The following NT5C2 variants were observed in gnomAD, a reference collection of about 807,000 sequenced individuals.
The protein encoded by NT5C2 is cytosolic purine 5'-nucleotidase.
Under a neutral mutation model 76.1 loss-of-function variants are expected in NT5C2, and 58 were observed. The ratio of observed to expected loss-of-function variants is 0.76; its 90% CI spans 0.62 to 0.95. The LOEUF (loss-of-function observed/expected upper bound fraction) is 0.95, where lower values mean the gene tolerates loss of function less well. Ranked by LOEUF, NT5C2 falls within the 40% of genes least tolerant of loss-of-function variation. The pLI is 0.00. For synonymous variants in NT5C2, 229 were observed against 237.4 expected (o/e 0.96, Z 0.32); for missense variants, 478 against 690.3 (o/e 0.69, Z 3.45).
intron 3 of NT5C2, among the ~76,000 whole-genome samples, chr10:103,159,163 T>G (rs1399814543): frequency 1.3e-5 from 2 of 150,914 alleles, no homozygotes; most frequent in Admixed American, 6.6e-5. Context: ...AGGCCAAGAG[T>G]TAGAGGCTAC....
At chr10:103,098,662 A>C in intron 10 of NT5C2, 1 of 382,928 alleles carries the variant, frequency 2.6e-6, no homozygotes, top group Non-Finnish European at 4.7e-6. Context: ...TTATAATTGA[A>C]GCTAAGCGAA....
rs779272781 is a variant in NT5C2, at chr10:103,089,725, T to TA, written c.1632dup (p.Thr545TyrfsTer5). The TA allele has an allele frequency of 6.2e-7, 1 of 1,613,492 alleles. No individual in the cohort carries two copies. Among genetic ancestry groups the TA allele is most frequent in the South Asian group, 1.1e-5 (1 of 90,964 alleles). ...TCATCATCTTCGTCATGGCAGTGTGTAATTTCCTGGGGGGCCAGTGGGAAG... is the reference window on the plus strand; with the variant it reads ...TCATCATCTTCGTCATGGCAGTGTGTAAATTTCCTGGGGGGCCAGTGGGAAG... On this transcript the variant is annotated frameshift_variant, in exon 19 of 19. Transcript: ENST00000404739. LOFTEE classifies it high-confidence loss of function.
At chr10:103,152,909 T>C (rs1189509008) in intron 3 of NT5C2, among the ~76,000 whole-genome samples, 1 of 152,238 alleles carries the variant, frequency 6.6e-6, no homozygotes, top group Non-Finnish European at 1.5e-5. Context: ...CACACCATTT[T>C]CTAAAGGTAC....
chr10:103,119,749 CTT>C (rs1193218444), intron 4 of NT5C2, among the ~76,000 whole-genome samples: 1 of 152,094 alleles, frequency 6.6e-6, no homozygotes, highest in Non-Finnish European at 1.5e-5. Flanking sequence ...TTTCATCGTT[CTT>C]TAAGAAGAAA....
intron 4 of NT5C2, among the ~76,000 whole-genome samples, chr10:103,129,922 G>A (rs1371738291): frequency 9.2e-6 from 1 of 108,334 alleles, no homozygotes; most frequent in Non-Finnish European, 1.9e-5. Context: ...CCGTCCGGGA[G>A]GGAGGTGGGG....
At chr10:103,174,504 A>C (rs1591766601) in intron 3 of NT5C2, among the ~76,000 whole-genome samples, 2 of 152,260 alleles carry the variant, frequency 1.3e-5, no homozygotes, top group East Asian at 3.9e-4. Context: ...CTGGGAGGTG[A>C]AGGTTACAGT....
intron 3 of NT5C2, among the ~76,000 whole-genome samples, chr10:103,164,030 G>A (rs565925439): frequency 5.9e-4 from 90 of 152,094 alleles, no homozygotes; most frequent in Non-Finnish European, 9.7e-4. Context: ...TTTGAAGCCC[G>A]GGGTTTGAGA....
chr10:103,106,804 C>A, intron 4 of NT5C2, 98 bp from the exon 5 acceptor site: 2 of 771,080 alleles, frequency 2.6e-6, no homozygotes, highest in African/African-American at 1.7e-5. Flanking sequence ...GTTCTTCCCC[C>A]CTCCTAATTC....
intron 3 of NT5C2, among the ~76,000 whole-genome samples, chr10:103,150,088 T>C (rs1293243823): frequency 6.6e-6 from 1 of 152,178 alleles, no homozygotes; most frequent in Admixed American, 6.5e-5. Context: ...TTACTTAAAA[T>C]AACATTCACC....
At chr10:103,144,013 T>C (rs2081051108) in intron 3 of NT5C2, among the ~76,000 whole-genome samples, 1 of 152,160 alleles carries the variant, frequency 6.6e-6, no homozygotes, top group African/African-American at 2.4e-5. Context: ...CACCTTCTAA[T>C]ATTTCATCAA....
chr10:103,187,972 G>C (rs1256241658), intron 1 of NT5C2, among the ~76,000 whole-genome samples: 1 of 152,170 alleles, frequency 6.6e-6, no homozygotes, highest in Non-Finnish European at 1.5e-5. Context: ...ACAAAAGCAT[G>C]TCCTGTCCTT....
At chr10:103,154,628 G>GT (rs964568555) in intron 3 of NT5C2, among the ~76,000 whole-genome samples, 1 of 152,124 alleles carries the variant, frequency 6.6e-6, no homozygotes, top group African/African-American at 2.4e-5. Flanking sequence ...ATAACATCTG[G>GT]TAGGGATGTT....
At chr10:103,108,797 G>C (rs1402703203) in intron 4 of NT5C2, among the ~76,000 whole-genome samples, 1 of 151,908 alleles carries the variant, frequency 6.6e-6, no homozygotes, top group Non-Finnish European at 1.5e-5. Context: ...TTCTTTTGTT[G>C]TCACAAGGGT....
chr10:103,116,558 T>C (rs928774996), intron 4 of NT5C2, among the ~76,000 whole-genome samples: 5 of 151,666 alleles, frequency 3.3e-5, no homozygotes, highest in African/African-American at 1.2e-4. Flanking sequence ...AATTAAGGGC[T>C]GCTTCAGATT....
In NT5C2 at chr10:103,173,041, G is replaced by T. The variant is rs192634679; in HGVS notation, c.101+1817C>A. 1.3e-3 allele frequency among the ~76,000 whole-genome samples: 201 copies of T among 152,096 alleles called. 1 individual carries two copies. The highest frequency in any genetic ancestry group is 4.7e-3 in the African/African-American group (194 of 41,516). ...ACAAAACAAAATCTGTAGAGTTGGG[G>T]TCTCATCATATTGCCCAGGCTGTTC... is the stretch of plus-strand genomic sequence containing the variant. On this transcript the variant is annotated intron_variant, in intron 3 of 18. Transcript: ENST00000404739.
intron 3 of NT5C2, among the ~76,000 whole-genome samples, chr10:103,170,184 C>G (rs1187866517): frequency 1.3e-5 from 2 of 152,104 alleles, no homozygotes; most frequent in Non-Finnish European, 2.9e-5. Flanking sequence ...GTGGTACACA[C>G]CTGTAGTCCT....
At chr10:103,102,760 G>A (rs1425972341) in intron 6 of NT5C2, among the ~76,000 whole-genome samples, 4 of 152,010 alleles carry the variant, frequency 2.6e-5, no homozygotes, top group Admixed American at 2.0e-4. Context: ...AACTAGATAA[G>A]AAGTGATGTG....
chr10:103,117,961 C>A (rs1202971615), intron 4 of NT5C2, among the ~76,000 whole-genome samples: 1 of 151,994 alleles, frequency 6.6e-6, no homozygotes, highest in Admixed American at 6.6e-5. Flanking sequence ...TATAAGCTGG[C>A]TCTGAAAACA....
At chr10:103,152,536 T>A (rs1161356884) in intron 3 of NT5C2, among the ~76,000 whole-genome samples, 1 of 152,110 alleles carries the variant, frequency 6.6e-6, no homozygotes, top group African/African-American at 2.4e-5. Flanking sequence ...GAAAGATAAT[T>A]AATAGATTCC....
Sources: gnomAD v4.1 joint callset for allele counts (sites outside exome capture counted in the v4.1 genomes callset) on GRCh38, gnomAD v4.1.1 for gene constraint, MANE v1.5 for transcripts, NCBI Gene and HGNC (gene_info 2026-07-23, HGNC 2026-07-21) for gene names.